The following PCDHGA2 variants were observed in gnomAD, a reference collection of about 807,000 sequenced individuals.
PCDHGA2 encodes the protein protocadherin gamma subfamily A, 2.
Under a neutral mutation model 59.2 loss-of-function variants are expected in PCDHGA2, and 40 were observed. The observed-to-expected ratio is 0.68, with a 90% CI of 0.52 to 0.88. The LOEUF (loss-of-function observed/expected upper bound fraction) is 0.88, where lower values mean the gene tolerates loss of function less well. PCDHGA2 is among the 40% of genes least tolerant of loss of function. PCDHGA2 has a pLI of 0.00. For missense variants in PCDHGA2, 1,226 were observed against 1,204.0 expected, an observed-to-expected ratio of 1.02 and a Z score of -0.27; for synonymous variants, 560 against 526.0, an observed-to-expected ratio of 1.06 and a Z score of -0.89.
At chr5:141,413,181 C>T in intron 1 of PCDHGA2, 8 of 1,602,880 alleles carry the variant, frequency 5.0e-6, no homozygotes, top group Non-Finnish European at 6.8e-6. Context: ...CTACAATGGC[C>T]GCTCAAAGGA....
At chr5:141,467,110 T>C (rs2099137137) in intron 1 of PCDHGA2, among the ~76,000 whole-genome samples, 1 of 151,604 alleles carries the variant, frequency 6.6e-6, no homozygotes, top group Non-Finnish European at 1.5e-5. Context: ...TGGAGTACAA[T>C]GGTGCAATCT....
chr5:141,374,303 C>G (rs373167574), intron 1 of PCDHGA2: 2 of 1,613,938 alleles, frequency 1.2e-6, no homozygotes, highest in Admixed American at 1.7e-5. Context: ...TAGGATGCAG[C>G]TTTTCTCTCT....
chr5:141,343,511 C>T (rs936890663), intron 1 of PCDHGA2, among the ~76,000 whole-genome samples: 3 of 152,140 alleles, frequency 2.0e-5, no homozygotes, highest in Non-Finnish European at 4.4e-5. Flanking sequence ...TTGGTCCTTA[C>T]GGCCAGTTCT....
At chr5:141,505,767 AGGTCCTAGCTCT>A (rs2099848180) in intron 3 of PCDHGA2, among the ~76,000 whole-genome samples, 1 of 151,756 alleles carries the variant, frequency 6.6e-6, no homozygotes, top group Non-Finnish European at 1.5e-5. Context: ...AGTGTAGCTC[AGGTCCTAGCTCT>A]GCTACTATCC....
intron 1 of PCDHGA2, chr5:141,362,500 C>G (rs779723361): frequency 6.2e-7 from 1 of 1,614,012 alleles, no homozygotes; most frequent in South Asian, 1.1e-5. Context: ...CTCTTGGGAA[C>G]AAAATACAAA....
chr5:141,382,072 G>T (rs901840757), intron 1 of PCDHGA2, among the ~76,000 whole-genome samples: 2 of 151,786 alleles, frequency 1.3e-5, no homozygotes, highest in Non-Finnish European at 2.9e-5. Context: ...CAGGTGATCC[G>T]CCCGCCTCGG....
intron 1 of PCDHGA2, chr5:141,370,755 G>A: frequency 6.2e-7 from 1 of 1,613,972 alleles, no homozygotes; most frequent in South Asian, 1.1e-5. Context: ...TCATGTAACT[G>A]TGCTGATCCA....
At chr5:141,474,159 G>A (rs2154571930) in intron 1 of PCDHGA2, among the ~76,000 whole-genome samples, 1 of 152,226 alleles carries the variant, frequency 6.6e-6, no homozygotes, top group South Asian at 2.1e-4. Context: ...GAAAATGACA[G>A]GCCTTATTAT....
chr5:141,352,453 TG>T, intron 1 of PCDHGA2: 7 of 1,614,032 alleles, frequency 4.3e-6, no homozygotes, highest in Non-Finnish European at 5.9e-6. Context: ...GCTCCAAGTC[TG>T]GGCCCGGGGT....
intron 1 of PCDHGA2, chr5:141,364,269 A>G: frequency 6.6e-7 from 1 of 1,512,256 alleles, no homozygotes; most frequent in East Asian, 2.3e-5. Flanking sequence ...CATCGGCTTT[A>G]GATAAATAAG....
At chr5:141,483,772 G>C (rs2099586910) in intron 1 of PCDHGA2, among the ~76,000 whole-genome samples, 1 of 152,140 alleles carries the variant, frequency 6.6e-6, no homozygotes, top group Non-Finnish European at 1.5e-5. Flanking sequence ...AAAAATATTG[G>C]GGAAGGATAA....
rs762612048 is a variant in PCDHGA2 at position 141,388,612 on chromosome 5, G to A, written c.2424+47217G>A. The A allele has an allele frequency of 2.5e-5, 40 of 1,613,954 alleles. No homozygotes were observed. The East Asian group carries it at 5.3e-4, about 22-fold the overall frequency. ...GCCAATGATAATGCTCCAGTGTTCAGTCAAGACGTATACAGGGTGAGCCTT... is the reference window on the plus strand; with the variant it reads ...GCCAATGATAATGCTCCAGTGTTCAATCAAGACGTATACAGGGTGAGCCTT... On this transcript the variant is annotated intron_variant, in intron 1 of 3. Coordinates refer to ENST00000394576, the MANE Select transcript of PCDHGA2 (RefSeq NM_018915.4).
chr5:141,458,702 T>G (rs1333580253), intron 1 of PCDHGA2, among the ~76,000 whole-genome samples: 1 of 152,102 alleles, frequency 6.6e-6, no homozygotes, highest in East Asian at 1.9e-4. Context: ...CCCGAGTAGC[T>G]GGGATTACAG....
At chr5:141,422,899 G>C (rs759972749) in intron 1 of PCDHGA2, 13 of 1,614,116 alleles carry the variant, frequency 8.1e-6, no homozygotes, top group Middle Eastern at 3.3e-4. Context: ...GGACCAGAAC[G>C]ACAATGCGCC....
intron 1 of PCDHGA2, chr5:141,417,840 A>G (rs2096168680): frequency 2.0e-6 from 3 of 1,536,422 alleles, no homozygotes; most frequent in African/African-American, 2.8e-5. Context: ...GCGGGGACCC[A>G]GCGAGAACCC....
At position 141,490,341 on chromosome 5, in the gene PCDHGA2, A is replaced by C. The variant is rs778299384; in HGVS notation, c.2425-4466A>C. ...TCCTAGAGAGCACACCAGTGGGCACAGTAGTGGGGTTGTTTAATGTGCGAG... is the reference window on the plus strand; with the variant it reads ...TCCTAGAGAGCACACCAGTGGGCACCGTAGTGGGGTTGTTTAATGTGCGAG... On this transcript the variant is annotated intron_variant, in intron 1 of 3. Coordinates refer to ENST00000394576, the MANE Select transcript of PCDHGA2 (RefSeq NM_018915.4). This position sits in a 1 kb window ranked among gnomAD's most constrained non-coding sequence, Gnocchi z 5.4. The C allele has an allele frequency of 5.0e-6, 8 of 1,614,204 alleles. No homozygotes were observed. The South Asian group carries it at 8.8e-5, about 18-fold the overall frequency.
At chr5:141,395,131 C>T in intron 1 of PCDHGA2, 1 of 1,614,202 alleles carries the variant, frequency 6.2e-7, no homozygotes, top group Non-Finnish European at 8.5e-7. Flanking sequence ...TTTCCCCAGC[C>T]CAACTACGCA....
At chr5:141,370,007 A>G (rs1350230524) in intron 1 of PCDHGA2, among the ~76,000 whole-genome samples, 1 of 152,272 alleles carries the variant, frequency 6.6e-6, no homozygotes, top group South Asian at 2.1e-4. Flanking sequence ...AAATTAAAAG[A>G]AATAACAGAC....
chr5:141,394,454 A>G (rs1394596470), intron 1 of PCDHGA2: 2 of 1,614,212 alleles, frequency 1.2e-6, no homozygotes, highest in Admixed American at 1.7e-5. Context: ...GCAACATGTC[A>G]CTGAGCCTGT....
Sources: allele counts gnomAD v4.1 joint callset (sites outside exome capture counted in the v4.1 genomes callset), GRCh38; gene constraint gnomAD v4.1.1; non-coding constraint Gnocchi (gnomAD v3.1); transcripts MANE v1.5; gene names NCBI Gene and HGNC (gene_info 2026-07-23, HGNC 2026-07-21).